The following C1orf35 variants were observed in gnomAD, a reference collection of about 807,000 sequenced individuals.
C1orf35 encodes multiple myeloma tumor-associated protein 2.
Under a neutral mutation model 30.9 loss-of-function variants are expected in C1orf35, and 36 were observed. That is an observed-to-expected ratio of 1.16 (90% CI 0.89 to 1.54). The LOEUF is 1.54. Among genes scored for constraint, C1orf35 ranks in the 40% most tolerant of loss-of-function variants. The probability of loss-of-function intolerance (pLI) is 0.00; values close to 1 mark genes in which losing one functional copy is unlikely to be tolerated. For synonymous variants in C1orf35, 179 were observed against 148.2 expected (o/e 1.21, Z -1.51); for missense variants, 396 against 358.7 (o/e 1.10, Z -0.84).
Position 228,101,415 on chromosome 1 carries a change from T to G in C1orf35, c.592A>C (p.Lys198Gln). Residue 198 changes from lysine (K) to glutamine (Q), a missense_variant, in exon 7 of 8, where the codon AAG becomes CAG. Lys to Gln is a moderately conservative substitution (Grantham distance 53). Transcript: ENST00000272139. ...EKKKKKKRKH[K>Q]KEKKKKDKEH... ...TTGTCTTTCTTCTTCTTCTCTTTCT[T>G]GTGTTTCCTCTTTTTCTTTTTCTTC... 1 of 1,613,962 alleles carries G rather than the reference T, an allele frequency of 6.2e-7. No homozygotes were observed. Among genetic ancestry groups the G allele is most frequent in the Non-Finnish European group, 8.5e-7 (1 of 1,179,968 alleles).
chr1:228,101,489 A>G lies in C1orf35; in HGVS notation c.534-16T>C. ...GCTCTCACAACTACAAGGAGGATACAAGGTGTGCCTCAGACCCTAGTCTTG... is the reference window on the plus strand; with the variant it reads ...GCTCTCACAACTACAAGGAGGATACGAGGTGTGCCTCAGACCCTAGTCTTG... On this transcript the variant is annotated splice_polypyrimidine_tract_variant and intron_variant, in intron 6 of 7. Coordinates refer to ENST00000272139, the MANE Select transcript of C1orf35 (RefSeq NM_024319.4). The G allele has an allele frequency of 1.2e-6, 2 of 1,610,534 alleles. No individual in the cohort carries two copies. Among genetic ancestry groups the G allele is most frequent in the Non-Finnish European group, 8.5e-7 (1 of 1,179,930 alleles).
Position 228,100,988 on chromosome 1 carries a change from A to T in C1orf35, c.*143T>A. On this transcript the variant is annotated 3_prime_UTR_variant, in exon 8 of 8. Coordinates refer to ENST00000272139, the MANE Select transcript of C1orf35 (RefSeq NM_024319.4). The stretch of plus-strand genomic sequence containing the variant: ...CTCCAGAGCTAGCTGTCAAGTCTTT[A>T]GCCCCACAGGCTGGTGCCCAGAGCC... The T allele has an allele frequency of 8.1e-7, 1 of 1,238,724 alleles. No individual in the cohort carries two copies. The highest frequency in any genetic ancestry group is 1.1e-6 in the Non-Finnish European group (1 of 893,122). The allele number at this position is 1,238,724 out of a possible 1,614,324, so 76.7% of individuals were successfully genotyped here.
In C1orf35 at chr1:228,101,143, G is replaced by A. The variant is rs1292241245; in HGVS notation, c.780C>T (p.Gly260=). ...RSPSRRWHDR[G]SEA ...CAGGGTCCAGCCATCAGGCCTCAGAGCCTCTGTCATGCCACCTGCGAGACG... is the reference window on the plus strand; with the variant it reads ...CAGGGTCCAGCCATCAGGCCTCAGAACCTCTGTCATGCCACCTGCGAGACG... The change falls in exon 8 of 8, where the codon GGC becomes GGT. Residue 260 remains glycine (G), a synonymous_variant. Coordinates refer to ENST00000272139, the MANE Select transcript of C1orf35 (RefSeq NM_024319.4). The A allele has an allele frequency of 2.5e-6, 4 of 1,613,548 alleles. No individual in the cohort carries two copies. The highest frequency in any genetic ancestry group is 2.2e-5 in the South Asian group (2 of 91,072).
chr1:228,101,939 G>T, intron 6 of C1orf35, 141 bp downstream of exon 6: 1 of 1,426,218 alleles, frequency 7.0e-7, no homozygotes, highest in Non-Finnish European at 9.1e-7. Flanking sequence ...AGGAGTAACT[G>T]GGACAGGAAG....
At position 228,102,528 on chromosome 1, in the gene C1orf35, G is replaced by A; in HGVS notation, c.324C>T (p.Gly108=). ...GGTCCACGCCCTTCTCCTCGGGGTC[G>A]CCTCCTTCCCGCTTGCAGACCTCCG... ...DFAEVCKREG[G]DPEEKGVDRL... Residue 108 remains glycine (G), a synonymous_variant, in exon 4 of 8, where the codon GGC becomes GGT. Coordinates refer to ENST00000272139, the MANE Select transcript of C1orf35 (RefSeq NM_024319.4). 1.9e-6 allele frequency: 3 copies of A among 1,557,194 alleles called. No individual in the cohort carries two copies. Among genetic ancestry groups the A allele is most frequent in the South Asian group, 1.2e-5 (1 of 85,220 alleles).
In C1orf35 at chr1:228,101,324, T is replaced by C. The variant is rs552184544; in HGVS notation, c.668+15A>G. ...GGCCCCCACCCCCAAGAGGCAGATATGGACCAGGGCATACCTCTCAGGAGA... is the reference window on the plus strand; with the variant it reads ...GGCCCCCACCCCCAAGAGGCAGATACGGACCAGGGCATACCTCTCAGGAGA... On this transcript the variant is annotated intron_variant, in intron 7 of 7. Coordinates refer to ENST00000272139, the MANE Select transcript of C1orf35 (RefSeq NM_024319.4). 2.7e-5 allele frequency: 44 copies of C among 1,614,040 alleles called. No individual in the cohort carries two copies. The highest frequency in any genetic ancestry group is 3.3e-4 in the Middle Eastern group (2 of 6,084).
At chr1:228,101,595 A>G in intron 6 of C1orf35, 122 bp from the exon 7 acceptor site, 1 of 1,521,542 alleles carries the variant, frequency 6.6e-7, no homozygotes, top group South Asian at 1.3e-5. Flanking sequence ...CAGTTAAATC[A>G]AACTACAAAT....
In C1orf35 at chr1:228,102,994, C is replaced by T. The variant is rs2033016405; in HGVS notation, c.150G>A (p.Trp50Ter). 6.4e-7 allele frequency: 1 copy of T among 1,553,726 alleles called. No individual in the cohort carries two copies. Among genetic ancestry groups the T allele is most frequent in the African/African-American group, 1.4e-5 (1 of 72,586 alleles). ...CGCATGGCGCCCGGCCCTTGGCGTA[C>T]CAGGTGAGGTCGCGGCCCTTCTGCC... ...GRWQKGRDLT[W>*]YAKGRAPCAG... Residue 50 changes from tryptophan to a stop codon, truncating the protein, a stop_gained, in exon 2 of 8, where the codon TGG becomes TGA. Transcript: ENST00000272139. LOFTEE classifies it high-confidence loss of function.
rs773327932 is a variant in C1orf35, at chr1:228,101,225, G to C, written c.698C>G (p.Ser233Cys). The C allele has an allele frequency of 6.2e-7, 1 of 1,614,022 alleles. No individual in the cohort carries two copies. Among genetic ancestry groups the C allele is most frequent in the Non-Finnish European group, 8.5e-7 (1 of 1,180,018 alleles). Reference sequence around the variant, plus strand: ...CCTCCTCTTACAGCAGGGGGAGTTGGAGTCGGAGTCATGGTGGTGGTGCCT... The same window carrying C: ...CCTCCTCTTACAGCAGGGGGAGTTGCAGTCGGAGTCATGGTGGTGGTGCCT... The part of the protein sequence containing the change: ...RPRHHHHDSD[S>C]NSPCCKRRKR... The change falls in exon 8 of 8, where the codon TCC becomes TGC. Residue 233 changes from serine to cysteine, a missense_variant. Coordinates refer to ENST00000272139, the MANE Select transcript of C1orf35 (RefSeq NM_024319.4).
At chr1:228,101,564 C>A in intron 6 of C1orf35, 91 bp from the exon 7 acceptor site, 1 of 1,560,074 alleles carries the variant, frequency 6.4e-7, no homozygotes, top group Non-Finnish European at 8.6e-7. Flanking sequence ...GAAGCCACCA[C>A]CCACAAGTGC....
At chr1:228,102,260 C>A in intron 5 of C1orf35, 50 bp downstream of exon 5, 2 of 1,593,662 alleles carry the variant, frequency 1.3e-6, no homozygotes, top group Non-Finnish European at 1.7e-6. Context: ...GCCCCCGCCC[C>A]GCCCCACCCC....
At chr1:228,102,861 G>A (rs1304891999) in intron 2 of C1orf35, 38 bp downstream of exon 2, 4 of 1,160,222 alleles carry the variant, frequency 3.4e-6, no homozygotes, top group Non-Finnish European at 4.2e-6. Context: ...CGGCAGCGCC[G>A]TCCCAGGCAC....
chr1:228,102,420 T>A (rs751604659), intron 4 of C1orf35, 38 bp from the exon 5 acceptor site: 2 of 1,586,950 alleles, frequency 1.3e-6, no homozygotes, highest in African/African-American at 2.7e-5. Flanking sequence ...ACGGCAGGGG[T>A]CCGCCTCACC....
rs776662344 is a variant in C1orf35 at position 228,102,636 on chromosome 1, G to A, written c.291+7C>T. 1.9e-6 allele frequency: 3 copies of A among 1,602,678 alleles called. No individual in the cohort carries two copies. The highest frequency in any genetic ancestry group is 1.7e-5 in the Admixed American group (1 of 59,222). On this transcript the variant is annotated splice_region_variant and intron_variant, in intron 3 of 7. Coordinates refer to ENST00000272139, the MANE Select transcript of C1orf35 (RefSeq NM_024319.4). ...CCCTCCACGCGCCCCCCACCCCGGG[G>A]AGTTACCTCCTTGCTCAGGCCCGTG... is the stretch of plus-strand genomic sequence containing the variant.
rs1440929740 is a variant in C1orf35 at position 228,101,187 on chromosome 1, T to C, written c.736A>G (p.Ser246Gly). Residue 246 changes from serine to glycine, a missense_variant, in exon 8 of 8, where the codon AGT becomes GGT. Coordinates refer to ENST00000272139, the MANE Select transcript of C1orf35 (RefSeq NM_024319.4). ...CGAGACGGGCTCCTCCTGTCCCCAC[T>C]GTGTCCCCGCTTCCTCCTCTTACAG... ...PCCKRRKRGH[S>G]GDRRSPSRRW... The C allele has an allele frequency of 6.2e-7, 1 of 1,614,126 alleles. No individual in the cohort carries two copies. The highest frequency in any genetic ancestry group is 8.5e-7 in the Non-Finnish European group (1 of 1,179,998).
chr1:228,101,723 A>T, intron 6 of C1orf35: 1 of 1,414,876 alleles, frequency 7.1e-7, no homozygotes, highest in Non-Finnish European at 9.2e-7. Flanking sequence ...TGGCAGGTTG[A>T]CACCTTCCTA....
At chr1:228,101,960 C>T (rs901202011) in intron 6 of C1orf35, 120 bp downstream of exon 6, 1 of 1,429,824 alleles carries the variant, frequency 7.0e-7, no homozygotes. Flanking sequence ...TAAAGTAGGG[C>T]AGGCCACCCG....
chr1:228,103,094 G>A (rs780175129), intron 1 of C1orf35, 40 bp downstream of exon 1: 5 of 1,602,116 alleles, frequency 3.1e-6, no homozygotes, highest in Admixed American at 1.7e-5. Flanking sequence ...CCGGGATCCC[G>A]GAGCCCGGAG....
At chr1:228,102,803 T>TGGCCCCC in intron 2 of C1orf35, 96 bp downstream of exon 2, 18 of 1,187,456 alleles carry the variant, frequency 1.5e-5, no homozygotes, top group Non-Finnish European at 1.9e-5. Context: ...GCAGCCCCGC[T>TGGCCCCC]CCCGCCCAGC....
Sources: gnomAD v4.1 joint callset for allele counts on GRCh38, gnomAD v4.1.1 for gene constraint, MANE v1.5 for transcripts, NCBI Gene and HGNC (gene_info 2026-07-23, HGNC 2026-07-21) for gene names.